Variants in SGMS2 observed in about 807,000 individuals in gnomAD.
SGMS2 encodes the protein sphingomyelin synthase 2, also known as phosphatidylcholine:ceramide cholinephosphotransferase 2.
SGMS2 carries 21 observed loss-of-function variants against 43.8 expected under a neutral mutation model. That is an observed-to-expected ratio of 0.48 (90% CI 0.34 to 0.69). The LOEUF is 0.69. Among genes scored for constraint, SGMS2 ranks in the 30% least tolerant of loss-of-function variants. The pLI, the probability that SGMS2 is intolerant of heterozygous loss-of-function variation, is 0.01. For synonymous variants in SGMS2, 167 were observed against 160.6 expected (o/e 1.04, Z -0.30); for missense variants, 384 against 443.2 (o/e 0.87, Z 1.20).
intron 1 of SGMS2, among the ~76,000 whole-genome samples, chr4:107,849,069 G>A (rs897597125): frequency 1.3e-5 from 2 of 152,046 alleles, no homozygotes; most frequent in African/African-American, 4.8e-5. Flanking sequence ...ACAATTCGTT[G>A]AGAAGACTAT....
intron 1 of SGMS2, among the ~76,000 whole-genome samples, chr4:107,848,089 A>C (rs991979593): frequency 6.6e-6 from 1 of 151,984 alleles, no homozygotes; most frequent in East Asian, 1.9e-4. Context: ...CCAATCCTCA[A>C]CCTCTGGCAA....
At chr4:107,828,446 C>G (rs1331838796) in intron 1 of SGMS2, among the ~76,000 whole-genome samples, 1 of 152,196 alleles carries the variant, frequency 6.6e-6, no homozygotes, top group Non-Finnish European at 1.5e-5. Flanking sequence ...GGTTCATTCT[C>G]TATGTTCCAA....
intron 2 of SGMS2, among the ~76,000 whole-genome samples, chr4:107,887,920 C>T (rs984994387): frequency 6.6e-6 from 1 of 152,090 alleles, no homozygotes; most frequent in African/African-American, 2.4e-5. Flanking sequence ...ACCTTTATAA[C>T]CTTTATTAAG....
At chr4:107,849,038 A>G (rs80062655) in intron 1 of SGMS2, among the ~76,000 whole-genome samples, 6,169 of 152,034 alleles carry the variant, frequency 0.041, 422 homozygotes, top group African/African-American at 0.14. Context: ...TTTTTTACAT[A>G]TGGAAGTCGG....
At chr4:107,862,777 G>C (rs1306390435) in intron 2 of SGMS2, among the ~76,000 whole-genome samples, 1 of 152,150 alleles carries the variant, frequency 6.6e-6, no homozygotes, top group African/African-American at 2.4e-5. Flanking sequence ...ATATCCGACT[G>C]TACCTGTGCC....
intron 2 of SGMS2, among the ~76,000 whole-genome samples, chr4:107,892,851 C>T (rs867507332): frequency 6.6e-6 from 1 of 152,032 alleles, no homozygotes; most frequent in African/African-American, 2.4e-5. Context: ...CAGTTCCCAG[C>T]TTGACTTTTT....
At chr4:107,863,675 A>G (rs1004690833) in intron 2 of SGMS2, 1 of 152,154 alleles carries the variant, frequency 6.6e-6, no homozygotes, top group Non-Finnish European at 1.5e-5. Flanking sequence ...TCCAGTGGAT[A>G]TGTAATGCTC....
chr4:107,842,465 A>G (rs72888907), intron 1 of SGMS2, among the ~76,000 whole-genome samples: 2,709 of 152,294 alleles, frequency 0.018, 77 homozygotes, highest in African/African-American at 0.062. Context: ...TGCCGAACCA[A>G]TTCATGAGGG....
intron 4 of SGMS2, among the ~76,000 whole-genome samples, chr4:107,902,500 G>A (rs921489852): frequency 9.2e-5 from 14 of 151,968 alleles, no homozygotes; most frequent in African/African-American, 3.4e-4. Context: ...ATTGTAATGG[G>A]GTACAAACCT....
intron 2 of SGMS2, among the ~76,000 whole-genome samples, chr4:107,859,330 T>TA (rs1727601454): frequency 6.6e-6 from 1 of 152,140 alleles, no homozygotes; most frequent in Non-Finnish European, 1.5e-5. Flanking sequence ...TACCCTAAGA[T>TA]AGACACCAGG....
chr4:107,900,789 C>T (rs919863955), intron 4 of SGMS2, among the ~76,000 whole-genome samples: 4 of 152,164 alleles, frequency 2.6e-5, no homozygotes, highest in Admixed American at 6.5e-5. Context: ...TCTCTGAAGA[C>T]GTCCACAGTC....
chr4:107,868,687 C>T (rs1166209346), intron 2 of SGMS2, among the ~76,000 whole-genome samples: 3 of 151,806 alleles, frequency 2.0e-5, no homozygotes, highest in Admixed American at 2.0e-4. Context: ...CACTGCACTC[C>T]AGCCTGGGCG....
chr4:107,888,356 G>GT (rs1729920220), intron 2 of SGMS2, among the ~76,000 whole-genome samples: 1 of 152,022 alleles, frequency 6.6e-6, no homozygotes, highest in African/African-American at 2.4e-5. Context: ...TTTAATCTCA[G>GT]TTTTTTCCTA....
chr4:107,885,628 CT>C (rs1729687931), intron 2 of SGMS2, among the ~76,000 whole-genome samples: 1 of 152,142 alleles, frequency 6.6e-6, no homozygotes, highest in Non-Finnish European at 1.5e-5. Flanking sequence ...TACATCTCTA[CT>C]TTTTAACATT....
intron 1 of SGMS2, among the ~76,000 whole-genome samples, chr4:107,833,156 C>T (rs894982076): frequency 1.3e-5 from 2 of 152,236 alleles, no homozygotes; most frequent in Non-Finnish European, 2.9e-5. Flanking sequence ...TCCCATCCCC[C>T]ACTCAGCACA....
chr4:107,879,270 T>G (rs1218978413), intron 2 of SGMS2, among the ~76,000 whole-genome samples: 1 of 152,152 alleles, frequency 6.6e-6, no homozygotes, highest in Non-Finnish European at 1.5e-5. Context: ...TTAAACAGTT[T>G]GCTTTTCATT....
intron 1 of SGMS2, among the ~76,000 whole-genome samples, chr4:107,826,073 C>T (rs1725573703): frequency 6.6e-6 from 1 of 152,254 alleles, no homozygotes; most frequent in African/African-American, 2.4e-5. Context: ...ACGGTGGGTG[C>T]TCAGGCACAT....
At position 107,911,857 on chromosome 4, in the gene SGMS2, T is replaced by G. The variant is rs2126172503; in HGVS notation, c.*1304T>G. 6.6e-6 allele frequency: 1 copy of G among 151,562 alleles called. No homozygotes were observed. The highest frequency in any genetic ancestry group is 1.5e-5 in the Non-Finnish European group (1 of 67,576). 9.4% of individuals were successfully genotyped at this position (151,562 alleles called of 1,614,324 possible). The stretch of plus-strand genomic sequence containing the variant: ...ATGTTACCAGATTTAGTGCATTATT[T>G]AATGCTATTGGATCTTTTGGATAAT... On this transcript the variant is annotated 3_prime_UTR_variant, in exon 7 of 7. Coordinates refer to ENST00000690982, the MANE Select transcript of SGMS2 (RefSeq NM_001375905.1).
At chr4:107,876,510 G>A (rs1728923022) in intron 2 of SGMS2, among the ~76,000 whole-genome samples, 2 of 152,136 alleles carry the variant, frequency 1.3e-5, no homozygotes, top group South Asian at 4.1e-4. Flanking sequence ...AGCAAGCAAT[G>A]TTTCAAGAAG....
Sources: gnomAD v4.1 joint callset for allele counts (sites outside exome capture counted in the v4.1 genomes callset) on GRCh38, gnomAD v4.1.1 for gene constraint, MANE v1.5 for transcripts, NCBI Gene and HGNC (gene_info 2026-07-23, HGNC 2026-07-21) for gene names.